SACS: variants seen among roughly 807,000 people sequenced by gnomAD.
SACS encodes the protein sacsin molecular chaperone.
Under a neutral mutation model 348.0 loss-of-function variants are expected in SACS, and 197 were observed. The observed-to-expected ratio is 0.57, with a 90% CI of 0.50 to 0.64. The LOEUF (loss-of-function observed/expected upper bound fraction) is 0.64. Among genes scored for constraint, SACS ranks in the 30% least tolerant of loss-of-function variants. The pLI is 0.00. For missense variants in SACS, 4,999 were observed against 5,360.8 expected (o/e 0.93, Z 2.11); for synonymous variants, 1,985 against 1,910.6 (o/e 1.04, Z -1.02).
Position 23,340,368 on chromosome 13 carries a change from A to G in SACS, c.3508T>C (p.Ser1170Pro), listed in dbSNP as rs939243159. 12 of 1,614,052 alleles carry G rather than the reference A, an allele frequency of 7.4e-6. No homozygotes were observed. Among genetic ancestry groups the G allele is most frequent in the Non-Finnish European group, 1.0e-5 (12 of 1,179,996 alleles). ...CAGAGATCTCCTTTCCAGACCAAAG[A>G]GCCTGGATAATTTGGAGGCCTTTCC... ...CKERPPNYPG[S>P]LVWKGDLCNL... Residue 1170 changes from serine (S) to proline (P), a missense_variant, in exon 10 of 10, where the codon TCT becomes CCT. Ser to Pro is a moderately conservative substitution (Grantham distance 74). Around this residue, in one of 6 missense-constraint regions of SACS, gnomAD observed 3,156 missense variants for 3,380.1 expected, o/e 0.93. Coordinates refer to ENST00000382292, the MANE Select transcript of SACS (RefSeq NM_014363.6).
At chr13:23,375,080 G>C (rs1871656276) in intron 3 of SACS, 39 bp downstream of exon 3, 10 of 1,437,648 alleles carry the variant, frequency 7.0e-6, no homozygotes, top group Non-Finnish European at 9.1e-6. Flanking sequence ...GTTCCTCCGC[G>C]TGGCGGAGCC....
chr13:23,331,708 T>G lies in SACS; in HGVS notation c.12168A>C (p.Thr4056=). ...KVSCFEKLQT[T]LRVKGFNPIP... is the part of the protein sequence containing the mutation. The stretch of plus-strand genomic sequence containing the variant: ...TAGGATTAAAACCTTTAACTCTTAA[T>G]GTTGTTTGAAGCTTTTCAAAGCAGG... The change falls in exon 10 of 10, where the codon ACA becomes ACC. Residue 4056 remains threonine, a synonymous_variant. Coordinates refer to ENST00000382292, the MANE Select transcript of SACS (RefSeq NM_014363.6). The G allele has an allele frequency of 8.7e-6, 14 of 1,613,964 alleles. No homozygotes were observed. Among genetic ancestry groups the G allele is most frequent in the Non-Finnish European group, 1.2e-5 (14 of 1,179,956 alleles).
Position 23,333,681 on chromosome 13 carries a change from T to C in SACS, c.10195A>G (p.Met3399Val), listed in dbSNP as rs1349217615. The C allele has an allele frequency of 6.8e-6, 11 of 1,613,638 alleles. No individual in the cohort carries two copies. The highest frequency in any genetic ancestry group is 1.6e-4 in the Middle Eastern group (1 of 6,084). The part of the protein sequence containing the change: ...MYFNCNLNHL[M>V]SQDDIKILKS... ...AGAATTTTTATATCATCTTGGGACA[T>C]CAAATGATTCAAATTGCAGTTGAAA... The change falls in exon 10 of 10, where the codon ATG becomes GTG. Residue 3399 changes from methionine to valine, a missense_variant. By Grantham distance (21) the Met-to-Val change is conservative. This residue lies in a region of SACS where 734 missense variants were observed against 694.0 expected (regional missense o/e 1.06). Coordinates refer to ENST00000382292, the MANE Select transcript of SACS (RefSeq NM_014363.6).
In SACS at chr13:23,329,560, C is replaced by T. The variant is rs1883336858; in HGVS notation, c.*576G>A. 1.6e-6 allele frequency: 1 copy of T among 634,522 alleles called. No homozygotes were observed. The highest frequency in any genetic ancestry group is 1.9e-5 in the African/African-American group (1 of 52,968). 39.3% of individuals were successfully genotyped at this position (634,522 alleles called of 1,614,324 possible). A position where few individuals can be genotyped will look rare whatever the true frequency, so the allele number is the denominator to read the frequency against. ...CTCAGTGCACTCTAAAAAGTACTAC[C>T]TTCACACTCTTAGTCAAGTAATAGG... On this transcript the variant is annotated 3_prime_UTR_variant, in exon 10 of 10. Transcript: ENST00000382292.
At chr13:23,361,548 G>A (rs1161129506) in intron 6 of SACS, among the ~76,000 whole-genome samples, 1 of 152,114 alleles carries the variant, frequency 6.6e-6, no homozygotes, top group Non-Finnish European at 1.5e-5. Context: ...AGGCCGAGGT[G>A]GGAAGATTAC....
intron 2 of SACS, among the ~76,000 whole-genome samples, chr13:23,379,450 T>C (rs1871953821): frequency 6.6e-6 from 1 of 152,156 alleles, no homozygotes; most frequent in Non-Finnish European, 1.5e-5. Context: ...GGCCTCTTAC[T>C]CTTCCTCTCC....
At chr13:23,363,261 C>T (rs2137770846) in intron 6 of SACS, among the ~76,000 whole-genome samples, 1 of 151,024 alleles carries the variant, frequency 6.6e-6, no homozygotes, top group East Asian at 2.0e-4. Flanking sequence ...CAGTTTCGCT[C>T]TTGTTGCCCA....
At position 23,330,592 on chromosome 13, in the gene SACS, G is replaced by T. The variant is rs753277514; in HGVS notation, c.13284C>A (p.Tyr4428Ter). ...EKCPPSAGQT[Y>*]SQRFFVPPTF... The stretch of plus-strand genomic sequence containing the variant: ...TGGGAGGAACAAAGAACCTTTGAGA[G>T]TAAGTCTGTCCGGCTGAAGGGGGGC... The change falls in exon 10 of 10, where the codon TAC becomes TAA. Residue 4428 changes from tyrosine (Y) to a stop codon, truncating the protein, a stop_gained. Coordinates refer to ENST00000382292, the MANE Select transcript of SACS (RefSeq NM_014363.6). LOFTEE classifies it high-confidence loss of function. 1 of 1,613,988 alleles carries T rather than the reference G, an allele frequency of 6.2e-7. No individual in the cohort carries two copies. The highest frequency in any genetic ancestry group is 8.5e-7 in the Non-Finnish European group (1 of 1,180,004).
chr13:23,415,004 A>C (rs796459903), intron 1 of SACS, among the ~76,000 whole-genome samples: 5 of 152,016 alleles, frequency 3.3e-5, no homozygotes, highest in African/African-American at 1.2e-4. Context: ...CAAATAATCC[A>C]GTCTTTAATT....
In SACS at chr13:23,337,812, T is replaced by G; in HGVS notation, c.6064A>C (p.Lys2022Gln). 6.2e-7 allele frequency: 1 copy of G among 1,613,962 alleles called. No individual in the cohort carries two copies. The highest frequency in any genetic ancestry group is 1.1e-5 in the South Asian group (1 of 91,074). The change falls in exon 10 of 10, where the codon AAA becomes CAA. Residue 2022 changes from lysine to glutamine, a missense_variant. By Grantham distance (53) the Lys-to-Gln change is moderately conservative. Around this residue, in one of 6 missense-constraint regions of SACS, gnomAD observed 3,156 missense variants for 3,380.1 expected, o/e 0.93. Transcript: ENST00000382292. ...FLKYLKKTGS[K>Q]NLCAVELPSS... ...GGAAGTTCAACAGCACAAAGGTTTT[T>G]GGACCCAGTCTTCTTGAGGTATTTC...
At chr13:23,416,245 G>A (rs1017448919) in intron 1 of SACS, among the ~76,000 whole-genome samples, 1 of 146,216 alleles carries the variant, frequency 6.8e-6, no homozygotes, top group African/African-American at 2.4e-5. Flanking sequence ...TCACGCCACT[G>A]CACTCCAGCC....
Position 23,338,636 on chromosome 13 carries a change from T to C in SACS, c.5240A>G (p.Lys1747Arg). 6.2e-7 allele frequency: 1 copy of C among 1,614,182 alleles called. No individual in the cohort carries two copies. The highest frequency in any genetic ancestry group is 8.5e-7 in the Non-Finnish European group (1 of 1,180,006). ...CTTTGGTTCATCACTGGGAAGCTTT[T>C]TATTACTGCTGCTGCAAGTCTTCAT... The part of the protein sequence containing the change: ...KLMKTCSSSN[K>R]KLPSDEPKSS... Residue 1747 changes from lysine to arginine, a missense_variant, in exon 10 of 10, where the codon AAA (lysine) becomes AGA (arginine). Physicochemically the swap from Lys to Arg is conservative, Grantham distance 26. Around this residue, in one of 6 missense-constraint regions of SACS, gnomAD observed 3,156 missense variants for 3,380.1 expected, o/e 0.93. Transcript: ENST00000382292.
At chr13:23,403,374 T>C (rs1873068236) in intron 2 of SACS, among the ~76,000 whole-genome samples, 1 of 152,212 alleles carries the variant, frequency 6.6e-6, no homozygotes, top group African/African-American at 2.4e-5. Context: ...AGAATTTGGC[T>C]GCTCCTGGGC....
Position 23,413,614 on chromosome 13 carries a change from C to T in SACS, c.-501-1874G>A, listed in dbSNP as rs116129577. 8.1e-3 allele frequency among the ~76,000 whole-genome samples: 1,233 copies of T among 152,282 alleles called. 14 individuals are homozygous for T. The highest frequency in any genetic ancestry group is 0.028 in the African/African-American group (1,176 of 41,546). On this transcript the variant is annotated intron_variant, in intron 1 of 9. Transcript: ENST00000382292. ...ATAACAACCTAAGCTATACTGATTACATTATCAGTTCTTGGATGTTCATGA... is the reference window on the plus strand; with the variant it reads ...ATAACAACCTAAGCTATACTGATTATATTATCAGTTCTTGGATGTTCATGA...
intron 6 of SACS, among the ~76,000 whole-genome samples, chr13:23,359,052 C>T (rs535279353): frequency 1.3e-5 from 2 of 151,920 alleles, no homozygotes; most frequent in African/African-American, 4.8e-5. Context: ...CATGGTGGCA[C>T]GCGCCTGTAA....
rs1485209013 is a variant in SACS at position 23,338,157 on chromosome 13, G to A, written c.5719C>T (p.Arg1907Ter). Residue 1907 changes from arginine (R) to a stop codon, truncating the protein, a stop_gained, in exon 10 of 10, where the codon CGA becomes TGA. Transcript: ENST00000382292. LOFTEE classifies it high-confidence loss of function. ...TGTCTCATGAACGTGGTATTCCATC[G>A]TCCTTTTGTATCTGTTTTCCAGATT... ...KEIWKTDTKG[R>*]WNTTFMRHVI... The A allele has an allele frequency of 8.7e-6, 14 of 1,614,016 alleles. No homozygotes were observed. The highest frequency in any genetic ancestry group is 1.1e-5 in the Non-Finnish European group (13 of 1,179,968).
chr13:23,338,307 G>A lies in SACS; in HGVS notation c.5569C>T (p.Gln1857Ter). 6.2e-7 allele frequency: 1 copy of A among 1,614,084 alleles called. No individual in the cohort carries two copies. The highest frequency in any genetic ancestry group is 8.5e-7 in the Non-Finnish European group (1 of 1,179,992). The change falls in exon 10 of 10, where the codon CAG becomes TAG. Residue 1857 changes from glutamine (Q) to a stop codon, truncating the protein, a stop_gained. Coordinates refer to ENST00000382292, the MANE Select transcript of SACS (RefSeq NM_014363.6). LOFTEE classifies it high-confidence loss of function. The stretch of plus-strand genomic sequence containing the variant: ...GGTTTCACTGTCCACTTCTGGTCCT[G>A]GATTTCTGACAGCTGAACTCCTACT... ...GAVGVQLSEI[Q>*]DQKWTVKPHI...
chr13:23,409,595 G>A (rs1873401907), intron 2 of SACS, among the ~76,000 whole-genome samples: 3 of 151,906 alleles, frequency 2.0e-5, no homozygotes, highest in Admixed American at 2.0e-4. Flanking sequence ...CTCCCAAAGT[G>A]CTGGGATTAC....
At chr13:23,416,635 T>C (rs1873703331) in intron 1 of SACS, among the ~76,000 whole-genome samples, 1 of 151,654 alleles carries the variant, frequency 6.6e-6, no homozygotes, top group Admixed American at 6.6e-5. Context: ...CGCATGTCTG[T>C]AGTCCCAGCT....
Sources: allele counts gnomAD v4.1 joint callset (sites outside exome capture counted in the v4.1 genomes callset), GRCh38; gene constraint gnomAD v4.1.1; regional missense constraint gnomAD v4.1.1; transcripts MANE v1.5; gene names NCBI Gene and HGNC (gene_info 2026-07-23, HGNC 2026-07-21).